Variants in TBCEL observed in about 807,000 individuals in gnomAD.
TBCEL encodes the protein tubulin-specific chaperone cofactor E-like protein.
A neutral mutation model predicts 44.2 loss-of-function variants in TBCEL; 15 were observed. The ratio of observed to expected loss-of-function variants is 0.34; its 90% CI spans 0.23 to 0.52. The LOEUF (loss-of-function observed/expected upper bound fraction) is 0.52, where lower values mean the gene tolerates loss of function less well. Ranked by LOEUF, TBCEL falls within the 20% of genes least tolerant of loss-of-function variation. The pLI is 0.95. For synonymous variants in TBCEL, 171 were observed against 185.4 expected (o/e 0.92, Z 0.63); for missense variants, 319 against 506.3 (o/e 0.63, Z 3.55).
rs778617093 is a variant in TBCEL at position 121,045,689 on chromosome 11, A to T, written c.-2A>T. On this transcript the variant is annotated 5_prime_UTR_variant, in exon 3 of 9. It adds an upstream start codon to the 5' untranslated region. Transcript: ENST00000683345. ...TTTCTTGTAGCATTTTAAGAAAGAA[A>T]GATGGATCAACCTAGTGGAAGAAGT... 1 of 1,575,328 alleles carries T rather than the reference A, an allele frequency of 6.3e-7. No individual in the cohort carries two copies. The highest frequency in any genetic ancestry group is 8.6e-7 in the Non-Finnish European group (1 of 1,165,612).
At chr11:121,083,906 G>A (rs1432979990) in intron 8 of TBCEL, among the ~76,000 whole-genome samples, 1 of 152,136 alleles carries the variant, frequency 6.6e-6, no homozygotes, top group Non-Finnish European at 1.5e-5. Context: ...AATTTATAAA[G>A]AAAATACATT....
intron 1 of TBCEL, among the ~76,000 whole-genome samples, chr11:121,028,856 G>A (rs184921047): frequency 1.3e-5 from 2 of 152,086 alleles, no homozygotes; most frequent in South Asian, 2.1e-4. Context: ...AGGTGTTTCC[G>A]CCTTCTTTAG....
rs753069098 is a variant in TBCEL at position 121,087,074 on chromosome 11, A to G, written c.1253A>G (p.Tyr418Cys). The G allele has an allele frequency of 2.4e-5, 39 of 1,613,502 alleles. No homozygotes were observed. Among genetic ancestry groups the G allele is most frequent in the Non-Finnish European group, 3.3e-5 (39 of 1,179,762 alleles). Residue 418 changes from tyrosine to cysteine, a missense_variant, in exon 9 of 9, where the codon TAC (tyrosine) becomes TGC (cysteine). Physicochemically the swap from Tyr to Cys is radical, Grantham distance 194. Transcript: ENST00000683345. ...SFGIRDGDKI[Y>C]VESKTK ...GGCATTAGGGATGGAGATAAAATTT[A>G]CGTGGAATCCAAAACAAAATAACCT...
At chr11:121,046,872 T>C (rs1379974304) in intron 3 of TBCEL, among the ~76,000 whole-genome samples, 2 of 152,104 alleles carry the variant, frequency 1.3e-5, no homozygotes, top group Non-Finnish European at 2.9e-5. Context: ...TGAAACACTT[T>C]CTTCCATTAC....
At chr11:121,035,027 C>T (rs1397510653) in intron 1 of TBCEL, among the ~76,000 whole-genome samples, 1 of 152,106 alleles carries the variant, frequency 6.6e-6, no homozygotes, top group African/African-American at 2.4e-5. Context: ...TTAGCATAGT[C>T]CTTGGACCTA....
intron 8 of TBCEL, among the ~76,000 whole-genome samples, chr11:121,077,694 G>T (rs1946057006): frequency 6.6e-6 from 1 of 151,404 alleles, no homozygotes; most frequent in African/African-American, 2.4e-5. Context: ...GTTTTTTTAA[G>T]CATAGATCAT....
rs1048708120 is a variant in TBCEL at position 121,087,195 on chromosome 11, T to C, written c.*99T>C. ...TAGGAGGGAGAGGTTGTTTTTGTTT[T>C]GTTTTGTTCTGTTTAGGTTTGGGAA... On this transcript the variant is annotated 3_prime_UTR_variant, in exon 9 of 9. Transcript: ENST00000683345. 8.2e-7 allele frequency: 1 copy of C among 1,216,500 alleles called. No individual in the cohort carries two copies. The highest frequency in any genetic ancestry group is 1.1e-6 in the Non-Finnish European group (1 of 886,320). The allele number at this position is 1,216,500 out of a possible 1,614,324, so 75.4% of individuals were successfully genotyped here.
rs1490062772 is a variant in TBCEL at position 121,070,386 on chromosome 11, A to G, written c.956+10301A>G. 2.6e-5 allele frequency among the ~76,000 whole-genome samples: 4 copies of G among 152,332 alleles called. No individual in the cohort carries two copies. The East Asian group carries it at 5.8e-4, about 22-fold the overall frequency. On this transcript the variant is annotated intron_variant, in intron 8 of 8. Transcript: ENST00000683345. Reference sequence around the variant, plus strand: ...CCAAAGGATTATAAATCATGCTACTATAAAGACACATGCACATGTATGTTT... The same window carrying G: ...CCAAAGGATTATAAATCATGCTACTGTAAAGACACATGCACATGTATGTTT...
chr11:121,074,268 T>C (rs1393063883), intron 8 of TBCEL, among the ~76,000 whole-genome samples: 4 of 152,086 alleles, frequency 2.6e-5, no homozygotes, highest in Admixed American at 2.6e-4. Flanking sequence ...TTCCCATTTG[T>C]ATCCTTAGTA....
Position 121,064,540 on chromosome 11 carries a change from T to C in TBCEL, c.956+4455T>C, listed in dbSNP as rs183876867. On this transcript the variant is annotated intron_variant, in intron 8 of 8. Coordinates refer to ENST00000683345, the MANE Select transcript of TBCEL (RefSeq NM_001363644.2). The stretch of plus-strand genomic sequence containing the variant: ...CTTACTGTTCTGGCCTTGCTATTTA[T>C]ATAATTATGCCTACTTTCCTATGCA... 4.7e-3 allele frequency among the ~76,000 whole-genome samples: 714 copies of C among 152,360 alleles called. 5 individuals are homozygous for C. Among genetic ancestry groups the C allele is most frequent in the Middle Eastern group, 0.017 (5 of 294 alleles).
intron 8 of TBCEL, among the ~76,000 whole-genome samples, chr11:121,065,064 G>A (rs894975336): frequency 6.6e-6 from 1 of 152,096 alleles, no homozygotes; most frequent in South Asian, 2.1e-4. Flanking sequence ...CTGACCTCGT[G>A]ATCCGCCTGC....
chr11:121,045,156 A>G (rs2134919079), intron 2 of TBCEL, among the ~76,000 whole-genome samples: 1 of 152,248 alleles, frequency 6.6e-6, no homozygotes, highest in Non-Finnish European at 1.5e-5. Flanking sequence ...GCTGCCACAG[A>G]ATACTTGGTT....
intron 2 of TBCEL, 115 bp from the exon 3 acceptor site, chr11:121,045,559 C>T: frequency 2.6e-6 from 2 of 782,548 alleles, no homozygotes; most frequent in Non-Finnish European, 3.8e-6. Context: ...AACTAAGTAT[C>T]ATATGTCTTG....
At chr11:121,071,250 A>C (rs183162702) in intron 8 of TBCEL, among the ~76,000 whole-genome samples, 1 of 152,234 alleles carries the variant, frequency 6.6e-6, no homozygotes, top group Admixed American at 6.5e-5. Context: ...TTGCTTCTTT[A>C]GTGCTTACCT....
At chr11:121,081,391 A>G (rs142594131) in intron 8 of TBCEL, among the ~76,000 whole-genome samples, 9 of 152,334 alleles carry the variant, frequency 5.9e-5, no homozygotes, top group African/African-American at 2.2e-4. Flanking sequence ...AATATTTTCC[A>G]AAGTAGGTTT....
intron 1 of TBCEL, among the ~76,000 whole-genome samples, chr11:121,027,529 CT>C (rs1406145582): frequency 6.6e-6 from 1 of 152,164 alleles, no homozygotes; most frequent in Non-Finnish European, 1.5e-5. Flanking sequence ...ACTTCCTCTA[CT>C]TTTTTTCTGG....
At position 121,060,966 on chromosome 11, in the gene TBCEL, G is replaced by A. The variant is rs540157475; in HGVS notation, c.956+881G>A. ...TGAATGTGTCTATTTTCCCCCCAAAGTTCTCTATTGTTTGTAGATTTTAAG... is the reference window on the plus strand; with the variant it reads ...TGAATGTGTCTATTTTCCCCCCAAAATTCTCTATTGTTTGTAGATTTTAAG... On this transcript the variant is annotated intron_variant, in intron 8 of 8. Coordinates refer to ENST00000683345, the MANE Select transcript of TBCEL (RefSeq NM_001363644.2). Among the ~76,000 whole-genome samples the A allele has an allele frequency of 1.8e-3, 275 of 151,982 alleles. 1 individual carries two copies. Among genetic ancestry groups the A allele is most frequent in the African/African-American group, 6.2e-3 (259 of 41,516 alleles).
In TBCEL at chr11:121,088,339, A is replaced by G. The variant is rs1042107685; in HGVS notation, c.*1243A>G. 14 of 152,228 alleles carry G rather than the reference A, an allele frequency of 9.2e-5. No individual in the cohort carries two copies. Among genetic ancestry groups the G allele is most frequent in the African/African-American group, 3.4e-4 (14 of 41,464 alleles). 9.4% of individuals were successfully genotyped at this position (152,228 alleles called of 1,614,324 possible). A position where few individuals can be genotyped will look rare whatever the true frequency, so the allele number is the denominator to read the frequency against. ...ATCTATGAGTAAAGTGTAAGTGTCA[A>G]AACTTTACAATTGCCTCCAAGTCAT... On this transcript the variant is annotated 3_prime_UTR_variant, in exon 9 of 9. Transcript: ENST00000683345.
chr11:121,035,538 C>T (rs2134889775), intron 1 of TBCEL: 1 of 150,436 alleles, frequency 6.6e-6, no homozygotes, highest in East Asian at 1.9e-4. Context: ...TTTCAACATT[C>T]TGGCAATCCC....
Sources: gnomAD v4.1 joint callset for allele counts (sites outside exome capture counted in the v4.1 genomes callset) on GRCh38, gnomAD v4.1.1 for gene constraint, MANE v1.5 for transcripts, NCBI Gene and HGNC (gene_info 2026-07-23, HGNC 2026-07-21) for gene names.